NR4A3: variants seen among roughly 807,000 people sequenced by gnomAD.
The protein encoded by NR4A3 is chondrosarcoma, extraskeletal myxoid, fused to EWS.
In NR4A3, 13 loss-of-function variants were observed where a neutral mutation model predicts 55.6. The ratio of observed to expected loss-of-function variants is 0.23; its 90% CI spans 0.15 to 0.37. NR4A3 has a LOEUF of 0.37. Ranked by LOEUF, NR4A3 falls within the 10% of genes least tolerant of loss-of-function variation. The probability of loss-of-function intolerance (pLI) is 1.00; values close to 1 mark genes in which losing one functional copy is unlikely to be tolerated. For missense variants in NR4A3, 646 were observed against 822.8 expected, an observed-to-expected ratio of 0.79 and a Z score of 2.63; for synonymous variants, 342 against 357.9, an observed-to-expected ratio of 0.96 and a Z score of 0.50.
chr9:99,850,295 G>A (rs550976260), intron 7 of NR4A3, among the ~76,000 whole-genome samples: 8 of 152,278 alleles, frequency 5.3e-5, no homozygotes, highest in African/African-American at 1.9e-4. Flanking sequence ...GAATCTAAGA[G>A]GAAAAAGGCC....
chr9:99,830,406 G>A (rs7022059), intron 3 of NR4A3, among the ~76,000 whole-genome samples: 54,969 of 152,114 alleles, frequency 0.36, 10,275 homozygotes, highest in African/African-American at 0.42. Context: ...GAGCTGTACA[G>A]ATAGTTCATT....
intron 5 of NR4A3, chr9:99,834,772 C>T (rs997794678): frequency 1.9e-5 from 19 of 984,858 alleles, no homozygotes; most frequent in East Asian, 2.3e-4. Flanking sequence ...TTATAGGCTG[C>T]GAAGCCTCCT....
At chr9:99,843,719 T>C (rs984103816) in intron 5 of NR4A3, among the ~76,000 whole-genome samples, 10 of 151,378 alleles carry the variant, frequency 6.6e-5, no homozygotes, top group Admixed American at 2.0e-4. Context: ...CCCCAGAGTT[T>C]CTAATTCAGT....
At chr9:99,862,535 G>C (rs1828023812) in intron 7 of NR4A3, among the ~76,000 whole-genome samples, 1 of 88,156 alleles carries the variant, frequency 1.1e-5, no homozygotes, top group Middle Eastern at 0.01. Context: ...AGGCAACAGA[G>C]TAAGACTCTG....
intron 7 of NR4A3, among the ~76,000 whole-genome samples, chr9:99,861,156 A>G (rs1828002165): frequency 1.3e-5 from 2 of 152,210 alleles, no homozygotes; most frequent in South Asian, 4.1e-4. Context: ...TTGCATTGAG[A>G]CAAGATGCCT....
In NR4A3 at chr9:99,863,887, G is replaced by A; in HGVS notation, c.*20G>A. On this transcript the variant is annotated 3_prime_UTR_variant, in exon 8 of 8. Coordinates refer to ENST00000395097, the MANE Select transcript of NR4A3 (RefSeq NM_006981.4). ...TTCTAATCAGGAGCAGTGGAGCAGT[G>A]AGCTGCCTCCTCTCCTAGCACCTGC... is the stretch of plus-strand genomic sequence containing the variant. 6.2e-7 allele frequency: 1 copy of A among 1,602,790 alleles called. No homozygotes were observed. The highest frequency in any genetic ancestry group is 8.5e-7 in the Non-Finnish European group (1 of 1,173,316).
chr9:99,834,799 A>G, intron 5 of NR4A3: 1 of 985,428 alleles, frequency 1.0e-6, no homozygotes, highest in Non-Finnish European at 1.2e-6. Flanking sequence ...ACCTGATAAC[A>G]AAACGTCATA....
In NR4A3 at chr9:99,841,231, G is replaced by GAAA. The variant is rs11374154; in HGVS notation, c.1255-3404_1255-3402dup. 4.5e-4 allele frequency among the ~76,000 whole-genome samples: 58 copies of GAAA among 129,552 alleles called. 1 individual carries two copies. Among genetic ancestry groups the GAAA allele is most frequent in the African/African-American group, 1.6e-3 (56 of 34,672 alleles). 85.0% of individuals were successfully genotyped at this position (129,552 alleles called of 152,430 possible). A position where few individuals can be genotyped will look rare whatever the true frequency, so the allele number is the denominator to read the frequency against. Reference sequence around the variant, plus strand: ...GGCAACAGAGCAAGACTCTGTCTCCGAAAAAAAAAAAAAAAAGGAGGAGGT... The same window carrying GAAA: ...GGCAACAGAGCAAGACTCTGTCTCCGAAAAAAAAAAAAAAAAAAAGGAGGAGGT... On this transcript the variant is annotated intron_variant, in intron 5 of 7. Transcript: ENST00000395097.
In NR4A3 at chr9:99,855,071, T is replaced by C. The variant is rs958995866; in HGVS notation, c.1633+7456T>C. ...ATCCCTTGTAAGTTGGATTCCTAGG[T>C]ATTTTATTCTCTTTGAAGCAATTGT... On this transcript the variant is annotated intron_variant, in intron 7 of 7. Transcript: ENST00000395097. Among the ~76,000 whole-genome samples, 11 of 150,056 alleles carry C rather than the reference T, an allele frequency of 7.3e-5. 1 individual carries two copies. The highest frequency in any genetic ancestry group is 4.7e-4 in the Admixed American group (7 of 14,964).
chr9:99,832,950 T>C (rs907632331), intron 4 of NR4A3, 132 bp downstream of exon 4: 4 of 776,602 alleles, frequency 5.2e-6, no homozygotes, highest in Non-Finnish European at 5.8e-6. Context: ...ATTTTTATCA[T>C]ATATATCTAC....
In NR4A3 at chr9:99,828,966, C is replaced by A; in HGVS notation, c.924C>A (p.Thr308=). 2 of 1,405,734 alleles carry A rather than the reference C, an allele frequency of 1.4e-6. No individual in the cohort carries two copies. The highest frequency in any genetic ancestry group is 2.8e-5 in the East Asian group (1 of 36,042). 87.1% of individuals were successfully genotyped at this position (1,405,734 alleles called of 1,614,324 possible). The change falls in exon 3 of 8, where the codon ACC becomes ACA. Residue 308 remains threonine (T), a synonymous_variant. Coordinates refer to ENST00000395097, the MANE Select transcript of NR4A3 (RefSeq NM_006981.4). This position sits in a 1 kb window ranked among gnomAD's most constrained non-coding sequence, Gnocchi z 7.7. ...NAACQHYGVR[T]CEGCKGFFKR... ...CCTGCCAGCACTACGGCGTGCGAAC[C>A]TGCGAGGGCTGCAAGGGCTTTTTCA...
chr9:99,845,706 T>C (rs1191507603), intron 6 of NR4A3, among the ~76,000 whole-genome samples: 1 of 152,236 alleles, frequency 6.6e-6, no homozygotes, highest in Admixed American at 6.5e-5. Flanking sequence ...CCAGGCCTCA[T>C]TGCCATCTAT....
intron 7 of NR4A3, among the ~76,000 whole-genome samples, chr9:99,852,061 A>G (rs1469636623): frequency 1.3e-5 from 2 of 152,194 alleles, no homozygotes; most frequent in Non-Finnish European, 2.9e-5. Context: ...TCAGGCCCTG[A>G]AAAGGGACAG....
Position 99,865,163 on chromosome 9 carries a change from C to T in NR4A3, c.*1296C>T, listed in dbSNP as rs1343268308. On this transcript the variant is annotated 3_prime_UTR_variant, in exon 8 of 8. Transcript: ENST00000395097. This position sits in a 1 kb window ranked among gnomAD's most constrained non-coding sequence, Gnocchi z 4.3. Reference sequence around the variant, plus strand: ...TGCATAGTGTCCTTATTTGTATAAACATTTGTATGCACGTTATATTGTAAT... The same window carrying T: ...TGCATAGTGTCCTTATTTGTATAAATATTTGTATGCACGTTATATTGTAAT... 5.3e-6 allele frequency: 1 copy of T among 189,920 alleles called. No individual in the cohort carries two copies. The highest frequency in any genetic ancestry group is 1.1e-5 in the Non-Finnish European group (1 of 90,202). The allele number at this position is 189,920 out of a possible 1,614,324, so 11.8% of individuals were successfully genotyped here.
intron 7 of NR4A3, among the ~76,000 whole-genome samples, chr9:99,847,964 G>A (rs1422595664): frequency 1.3e-5 from 2 of 152,152 alleles, no homozygotes; most frequent in Non-Finnish European, 2.9e-5. Flanking sequence ...GAGAGCAGTG[G>A]TGTGATCATG....
intron 5 of NR4A3, among the ~76,000 whole-genome samples, chr9:99,841,123 C>T (rs1587879741): frequency 6.6e-6 from 1 of 151,100 alleles, no homozygotes; most frequent in Non-Finnish European, 1.5e-5. Context: ...CCCAGCTACT[C>T]GGGAGGCTGA....
intron 1 of NR4A3, among the ~76,000 whole-genome samples, chr9:99,823,296 G>A (rs1273392846): frequency 6.6e-6 from 1 of 152,160 alleles, no homozygotes; most frequent in Non-Finnish European, 1.5e-5. Flanking sequence ...CGCAGCCTGC[G>A]GAGACTGACT....
At chr9:99,840,975 G>A (rs577284217) in intron 5 of NR4A3, among the ~76,000 whole-genome samples, 2 of 152,308 alleles carry the variant, frequency 1.3e-5, no homozygotes, top group African/African-American at 4.8e-5. Flanking sequence ...GCTGATGCCT[G>A]TAATTCCAGC....
chr9:99,833,394 G>A lies in NR4A3; in HGVS notation c.1194G>A (p.Met398Ile). Residue 398 changes from methionine to isoleucine, a missense_variant, in exon 5 of 8, where the codon ATG (methionine) becomes ATA (isoleucine). Physicochemically the swap from Met to Ile is conservative, Grantham distance 10. Around this residue, in one of 5 missense-constraint regions of NR4A3, gnomAD observed 163 missense variants for 233.0 expected, o/e 0.70. Transcript: ENST00000395097. ...CTCCACCTTCTCCTCCAATCTGCATGATGAATGCCCTTGTCCGAGCTTTAA... is the reference window on the plus strand; with the variant it reads ...CTCCACCTTCTCCTCCAATCTGCATAATGAATGCCCTTGTCCGAGCTTTAA... ...QPSPPSPPIC[M>I]MNALVRALTD... The A allele has an allele frequency of 6.2e-6, 10 of 1,614,118 alleles. No homozygotes were observed. Among genetic ancestry groups the A allele is most frequent in the Non-Finnish European group, 8.5e-6 (10 of 1,179,978 alleles).
Sources: allele counts gnomAD v4.1 joint callset (sites outside exome capture counted in the v4.1 genomes callset), GRCh38; gene constraint gnomAD v4.1.1; regional missense constraint gnomAD v4.1.1; non-coding constraint Gnocchi (gnomAD v3.1); transcripts MANE v1.5; gene names NCBI Gene and HGNC (gene_info 2026-07-23, HGNC 2026-07-21).